The following MOCS2 variants were observed in gnomAD, a reference collection of about 807,000 sequenced individuals.
The protein encoded by MOCS2 is molybdenum cofactor synthesis 2, also known as molybdopterin synthase catalytic subunit.
MOCS2 carries 13 observed loss-of-function variants against 21.9 expected under a neutral mutation model. The ratio of observed to expected loss-of-function variants is 0.59; its 90% CI spans 0.39 to 0.94. The LOEUF (loss-of-function observed/expected upper bound fraction) is 0.94. Ranked by LOEUF, MOCS2 falls within the 40% of genes least tolerant of loss-of-function variation. MOCS2 has a pLI of 0.00. For missense variants in MOCS2, 227 were observed against 218.3 expected (o/e 1.04, Z -0.25); for synonymous variants, 92 against 80.8 (o/e 1.14, Z -0.74).
In MOCS2 at chr5:53,096,944, C is replaced by T. The variant is rs12152954; in HGVS notation, c.*1658G>A. 553 of 152,334 alleles carry T rather than the reference C, an allele frequency of 3.6e-3. 1 individual carries two copies. The highest frequency in any genetic ancestry group is 7.3e-3 in the Admixed American group (111 of 15,308). 9.4% of individuals were successfully genotyped at this position (152,334 alleles called of 1,614,324 possible). A position where few individuals can be genotyped will look rare whatever the true frequency, so the allele number is the denominator to read the frequency against. On this transcript the variant is annotated 3_prime_UTR_variant, in exon 7 of 7. Transcript: ENST00000396954. ...TGCATATGACATAACATCCATTTAACAACCTATGTCCAAAATCCTAGAAAT... is the reference window on the plus strand; with the variant it reads ...TGCATATGACATAACATCCATTTAATAACCTATGTCCAAAATCCTAGAAAT...
intron 3 of MOCS2, among the ~76,000 whole-genome samples, chr5:53,102,951 CA>C (rs70983322): frequency 3.5e-3 from 432 of 123,520 alleles, no homozygotes; most frequent in African/African-American, 9.6e-3. Flanking sequence ...TACCCCATCT[CA>C]AAAAAAAAAA....
intron 6 of MOCS2, among the ~76,000 whole-genome samples, chr5:53,099,088 G>C (rs970622010): frequency 2.0e-5 from 3 of 152,090 alleles, no homozygotes; most frequent in East Asian, 1.9e-4. Context: ...AACCAGACTA[G>C]AAGTTACATA....
Position 53,096,722 on chromosome 5 carries a change from A to C in MOCS2, c.*1880T>G, listed in dbSNP as rs1740744985. 6.6e-6 allele frequency: 1 copy of C among 152,040 alleles called. No homozygotes were observed. The highest frequency in any genetic ancestry group is 2.4e-5 in the African/African-American group (1 of 41,390). 9.4% of individuals were successfully genotyped at this position (152,040 alleles called of 1,614,324 possible). On this transcript the variant is annotated 3_prime_UTR_variant, in exon 7 of 7. Transcript: ENST00000396954. ...TGGCATGCCCCAGGTTAACTCCTTAACCTCTCTGTTGGAGACTTTAAAAGC... is the reference window on the plus strand; with the variant it reads ...TGGCATGCCCCAGGTTAACTCCTTACCCTCTCTGTTGGAGACTTTAAAAGC...
chr5:53,106,089 A>G (rs1741041069), intron 3 of MOCS2, among the ~76,000 whole-genome samples: 1 of 151,470 alleles, frequency 6.6e-6, no homozygotes, highest in African/African-American at 2.4e-5. Flanking sequence ...ACGTGAAGAA[A>G]AAGGAATGCT....
intron 6 of MOCS2, 87 bp from the exon 7 acceptor site, chr5:53,098,754 A>G: frequency 1.0e-6 from 1 of 955,454 alleles, no homozygotes; most frequent in Non-Finnish European, 1.7e-6. Context: ...AGACAAATGA[A>G]TATCACATCT....
chr5:53,099,905 T>C (rs1740858935), intron 6 of MOCS2, among the ~76,000 whole-genome samples: 1 of 152,184 alleles, frequency 6.6e-6, no homozygotes, highest in African/African-American at 2.4e-5. Context: ...AACCAGAGAA[T>C]TACTTGCCCT....
Position 53,101,513 on chromosome 5 carries a change from TA to T in MOCS2, c.227-5del. On this transcript the variant is annotated splice_region_variant and splice_polypyrimidine_tract_variant and intron_variant, in intron 4 of 6. Transcript: ENST00000396954. ...TCAAAGTTATTTCTTGTAGTCCCTT[TA>T]AAAATGAAAAAAAAGAAAAAGAAAA... 1 of 1,575,610 alleles carries T rather than the reference TA, an allele frequency of 6.3e-7. No homozygotes were observed. The highest frequency in any genetic ancestry group is 8.7e-7 in the Non-Finnish European group (1 of 1,152,378).
intron 2 of MOCS2, chr5:53,107,503 G>C: frequency 7.4e-6 from 3 of 407,434 alleles, no homozygotes; most frequent in Non-Finnish European, 1.3e-5. Flanking sequence ...CAGACTGGAG[G>C]CAACACTCAA....
chr5:53,104,602 CTAT>C (rs1741001880), intron 3 of MOCS2, among the ~76,000 whole-genome samples: 1 of 152,134 alleles, frequency 6.6e-6, no homozygotes, highest in African/African-American at 2.4e-5. Context: ...AGAGATTCTT[CTAT>C]TATTTCCAGA....
At chr5:53,100,318 C>T in intron 6 of MOCS2, 93 bp downstream of exon 6, 2 of 1,359,956 alleles carry the variant, frequency 1.5e-6, no homozygotes, top group Non-Finnish European at 2.1e-6. Flanking sequence ...ATACTACAGT[C>T]AGTAAAAAGT....
At chr5:53,107,970 T>A (rs1321070126) in intron 2 of MOCS2, 1 of 153,442 alleles carries the variant, frequency 6.5e-6, no homozygotes, top group Non-Finnish European at 1.4e-5. Context: ...CCATTAATAT[T>A]CCTGAATCAC....
At chr5:53,102,576 T>C (rs1265187081) in intron 3 of MOCS2, among the ~76,000 whole-genome samples, 1 of 140,776 alleles carries the variant, frequency 7.1e-6, no homozygotes, top group African/African-American at 2.6e-5. Context: ...ACTGTTGAAC[T>C]ATAGGGTGGG....
At chr5:53,108,173 G>T (rs1201553615) in intron 2 of MOCS2, 1 of 180,740 alleles carries the variant, frequency 5.5e-6, no homozygotes, top group African/African-American at 2.4e-5. Flanking sequence ...GCTCTCTAAA[G>T]AGAGGGGCAG....
In MOCS2 at chr5:53,109,687, C is replaced by T. The variant is rs186593570; in HGVS notation, c.-606G>A. 9.0e-6 allele frequency: 14 copies of T among 1,552,354 alleles called. No homozygotes were observed. The highest frequency in any genetic ancestry group is 1.2e-5 in the Non-Finnish European group (14 of 1,147,896). On this transcript the variant is annotated 5_prime_UTR_variant, in exon 1 of 7. Coordinates refer to ENST00000396954, the MANE Select transcript of MOCS2 (RefSeq NM_004531.5). ...GTCGAGGAGGGCTCCGCACCCAGGCCCGCACGCACACCCGCCACCCTTACC... is the reference window on the plus strand; with the variant it reads ...GTCGAGGAGGGCTCCGCACCCAGGCTCGCACGCACACCCGCCACCCTTACC...
intron 1 of MOCS2, among the ~76,000 whole-genome samples, chr5:53,108,897 C>G (rs934320165): frequency 1.3e-5 from 2 of 152,096 alleles, no homozygotes; most frequent in African/African-American, 4.8e-5. Context: ...CATTAAAATC[C>G]TAAGTATTTA....
chr5:53,098,814 A>C, intron 6 of MOCS2, 147 bp from the exon 7 acceptor site: 1 of 676,328 alleles, frequency 1.5e-6, no homozygotes, highest in Non-Finnish European at 2.6e-6. Context: ...ATCATGGGCA[A>C]GGTTACATAG....
chr5:53,105,144 T>C (rs527365312), intron 3 of MOCS2, among the ~76,000 whole-genome samples: 7 of 152,122 alleles, frequency 4.6e-5, no homozygotes, highest in Non-Finnish European at 8.8e-5. Context: ...CATTATTAGC[T>C]GTGAAATTTT....
rs1740806110 is a variant in MOCS2 at position 53,098,289 on chromosome 5, G to A, written c.*313C>T. ...GAGCTAGTTAAAGTCACTGAGGAGG[G>A]CCCATACCTCAATGTGTGTTGAGTT... On this transcript the variant is annotated 3_prime_UTR_variant, in exon 7 of 7. Coordinates refer to ENST00000396954, the MANE Select transcript of MOCS2 (RefSeq NM_004531.5). 2.8e-6 allele frequency: 1 copy of A among 363,064 alleles called. No individual in the cohort carries two copies. Among genetic ancestry groups the A allele is most frequent in the Non-Finnish European group, 5.1e-6 (1 of 195,042 alleles). The allele number at this position is 363,064 out of a possible 1,614,324, so 22.5% of individuals were successfully genotyped here. A position where few individuals can be genotyped will look rare whatever the true frequency, so the allele number is the denominator to read the frequency against.
chr5:53,105,798 C>A (rs10064796), intron 3 of MOCS2, among the ~76,000 whole-genome samples: 21,653 of 152,026 alleles, frequency 0.14, 1,642 homozygotes, highest in Middle Eastern at 0.2. Context: ...GACAACCTAC[C>A]GAATGGGAGA....
Sources: gnomAD v4.1 joint callset for allele counts (sites outside exome capture counted in the v4.1 genomes callset) on GRCh38, gnomAD v4.1.1 for gene constraint, MANE v1.5 for transcripts, NCBI Gene and HGNC (gene_info 2026-07-23, HGNC 2026-07-21) for gene names.